The following COL24A1 variants were observed in gnomAD, a reference collection of about 807,000 sequenced individuals.
COL24A1 encodes collagen alpha-1(XXIV) chain.
A neutral mutation model predicts 253.9 loss-of-function variants in COL24A1; 224 were observed. The observed-to-expected ratio is 0.88, with a 90% CI of 0.79 to 0.99. COL24A1 has a LOEUF of 0.99. Among genes scored for constraint, COL24A1 ranks in the 50% least tolerant of loss-of-function variants. The pLI is 0.00. For missense variants in COL24A1, 2,131 were observed against 2,068.5 expected, an observed-to-expected ratio of 1.03 and a Z score of -0.59; for synonymous variants, 685 against 673.7, an observed-to-expected ratio of 1.02 and a Z score of -0.26.
intron 12 of COL24A1, among the ~76,000 whole-genome samples, chr1:86,042,223 A>G (rs1699549206): frequency 6.6e-6 from 1 of 152,186 alleles, no homozygotes; most frequent in Non-Finnish European, 1.5e-5. Context: ...AATACAAGGA[A>G]GAAAAAAAAC....
chr1:85,882,499 TA>T (rs1442474222), intron 32 of COL24A1, among the ~76,000 whole-genome samples: 6 of 151,858 alleles, frequency 4.0e-5, no homozygotes, highest in African/African-American at 1.5e-4. Context: ...AACACACGAA[TA>T]AAAAAATTTG....
chr1:85,778,956 A>G (rs17396994), intron 52 of COL24A1, among the ~76,000 whole-genome samples: 8,304 of 152,118 alleles, frequency 0.055, 327 homozygotes, highest in Middle Eastern at 0.086. Flanking sequence ...TTAAAAGTTC[A>G]TCTAGGAGTA....
At chr1:85,828,616 G>T (rs1446202303) in intron 43 of COL24A1, among the ~76,000 whole-genome samples, 1 of 148,678 alleles carries the variant, frequency 6.7e-6, no homozygotes, top group African/African-American at 2.5e-5. Context: ...CCTGTATTGG[G>T]TGCATATATA....
intron 12 of COL24A1, among the ~76,000 whole-genome samples, chr1:86,041,982 C>T (rs1241275008): frequency 2.0e-5 from 3 of 151,894 alleles, no homozygotes; most frequent in Admixed American, 6.6e-5. Context: ...CACAGAGAGC[C>T]CCAGGGTATC....
chr1:85,911,798 T>C (rs1268069541), intron 24 of COL24A1, among the ~76,000 whole-genome samples: 1 of 152,082 alleles, frequency 6.6e-6, no homozygotes, highest in Non-Finnish European at 1.5e-5. Context: ...TTTCTGTAAC[T>C]ACCTTTTTTG....
chr1:85,933,983 T>G (rs1186139867), intron 24 of COL24A1, among the ~76,000 whole-genome samples: 1 of 152,166 alleles, frequency 6.6e-6, no homozygotes, highest in Admixed American at 6.5e-5. Context: ...AATTCAAAGG[T>G]GGCTTAAATG....
At chr1:85,737,536 A>C in intron 57 of COL24A1, 31 bp from the exon 58 acceptor site, 1 of 1,418,342 alleles carries the variant, frequency 7.1e-7, no homozygotes. Flanking sequence ...ATAAAGTTAA[A>C]GTTATTAAAT....
intron 19 of COL24A1, among the ~76,000 whole-genome samples, chr1:85,998,211 T>C (rs1163943578): frequency 2.0e-5 from 3 of 152,214 alleles, no homozygotes; most frequent in South Asian, 4.1e-4. Context: ...AAATGCTGTT[T>C]CCTCTGGCTG....
intron 27 of COL24A1, 137 bp downstream of exon 27, chr1:85,908,461 A>G (rs1213743634): frequency 4.0e-6 from 2 of 495,426 alleles, no homozygotes; most frequent in East Asian, 6.9e-5. Flanking sequence ...TGTTTTGTAT[A>G]GTTGGGAGAG....
intron 12 of COL24A1, among the ~76,000 whole-genome samples, chr1:86,038,619 C>A (rs1699213842): frequency 6.6e-6 from 1 of 152,000 alleles, no homozygotes; most frequent in South Asian, 2.1e-4. Flanking sequence ...GCCTATGTGA[C>A]CAAAAGAATA....
At chr1:86,045,077 T>C (rs1436433957) in intron 12 of COL24A1, among the ~76,000 whole-genome samples, 1 of 152,042 alleles carries the variant, frequency 6.6e-6, no homozygotes, top group African/African-American at 2.4e-5. Flanking sequence ...GCAACCTTAT[T>C]CTCCCGGGTT....
chr1:85,746,819 C>G (rs1557974634), intron 55 of COL24A1, among the ~76,000 whole-genome samples: 1 of 152,106 alleles, frequency 6.6e-6, no homozygotes, highest in African/African-American at 2.4e-5. Flanking sequence ...ATATTCTCTG[C>G]AGATTAAATA....
chr1:85,736,273 G>GTTTGAGTT (rs1664043592), intron 58 of COL24A1: 2 of 455,994 alleles, frequency 4.4e-6, no homozygotes, highest in Non-Finnish European at 8.8e-6. Flanking sequence ...TACTTCTCTG[G>GTTTGAGTT]TCTTCCTTGG....
intron 2 of COL24A1, among the ~76,000 whole-genome samples, chr1:86,138,472 T>C (rs1650579918): frequency 6.6e-6 from 1 of 152,108 alleles, no homozygotes; most frequent in African/African-American, 2.4e-5. Context: ...TGGGAGGTGA[T>C]TGAACCAGGT....
chr1:86,115,512 A>T, intron 3 of COL24A1, 134 bp from the exon 4 acceptor site: 5 of 773,274 alleles, frequency 6.5e-6, no homozygotes, highest in Middle Eastern at 4.7e-4. Flanking sequence ...TTTTTAAGTA[A>T]CACGAACCCC....
intron 19 of COL24A1, among the ~76,000 whole-genome samples, chr1:85,995,725 TG>T (rs1273686638): frequency 6.6e-6 from 1 of 152,152 alleles, no homozygotes; most frequent in Admixed American, 6.5e-5. Context: ...TGGGGCCTGG[TG>T]GGAGGTGACT....
At position 86,049,953 on chromosome 1, in the gene COL24A1, A is replaced by T. The variant is rs568741676; in HGVS notation, c.1905+171T>A. Among the ~76,000 whole-genome samples the T allele has an allele frequency of 4.0e-4, 61 of 152,238 alleles. 1 individual carries two copies. The South Asian group carries it at 0.012, about 31-fold the overall frequency. ...ATGCTATATTACTTTCCTTTAACAA[A>T]ATTCAGTAAGATTTTCAAAAGTCAA... On this transcript the variant is annotated intron_variant, in intron 11 of 59. Transcript: ENST00000370571.
At chr1:85,997,675 C>G (rs1268241117) in intron 19 of COL24A1, among the ~76,000 whole-genome samples, 1 of 151,064 alleles carries the variant, frequency 6.6e-6, no homozygotes, top group African/African-American at 2.4e-5. Context: ...CCCAACTACT[C>G]AGAGGCTGAG....
chr1:85,869,210 G>A lies in COL24A1; in HGVS notation c.3139-375C>T, dbSNP rs565137152. ...TAAAGTTATAGTGCTTTGCTATATT[G>A]TATTTACATGGGTTAATAAAACTTG... On this transcript the variant is annotated intron_variant, in intron 35 of 59. Coordinates refer to ENST00000370571, the MANE Select transcript of COL24A1 (RefSeq NM_152890.7). 5.6e-4 allele frequency among the ~76,000 whole-genome samples: 85 copies of A among 152,210 alleles called. 1 individual carries two copies. The Middle Eastern group carries it at 0.017, about 30-fold the overall frequency.
Sources: allele counts gnomAD v4.1 joint callset (sites outside exome capture counted in the v4.1 genomes callset), GRCh38; gene constraint gnomAD v4.1.1; transcripts MANE v1.5; gene names NCBI Gene and HGNC (gene_info 2026-07-23, HGNC 2026-07-21).